The following EVA1C variants were observed in gnomAD, a reference collection of about 807,000 sequenced individuals.
EVA1C encodes protein eva-1 homolog C.
In EVA1C, 25 loss-of-function variants were observed where a neutral mutation model predicts 45.4. The observed-to-expected ratio is 0.55, with a 90% CI of 0.40 to 0.77. The LOEUF (loss-of-function observed/expected upper bound fraction) is 0.77, where lower values mean the gene tolerates loss of function less well. Among genes scored for constraint, EVA1C ranks in the 30% least tolerant of loss-of-function variants. The probability of loss-of-function intolerance (pLI) is 0.00; values close to 1 mark genes in which losing one functional copy is unlikely to be tolerated. For missense variants in EVA1C, 479 were observed against 554.8 expected, an observed-to-expected ratio of 0.86 and a Z score of 1.37; for synonymous variants, 190 against 221.2, an observed-to-expected ratio of 0.86 and a Z score of 1.25.
chr21:32,446,087 T>TA (rs369777383), intron 1 of EVA1C, among the ~76,000 whole-genome samples: 7 of 151,756 alleles, frequency 4.6e-5, no homozygotes, highest in African/African-American at 1.2e-4. Context: ...CTACTAAAAA[T>TA]AAAAAAATAG....
At position 32,511,646 on chromosome 21, in the gene EVA1C, A is replaced by G. The variant is rs113695375; in HGVS notation, c.950-3168A>G. Among the ~76,000 whole-genome samples the G allele has an allele frequency of 3.7e-3, 571 of 152,276 alleles. 7 individuals carry two copies. The highest frequency in any genetic ancestry group is 0.013 in the African/African-American group (531 of 41,550). On this transcript the variant is annotated intron_variant, in intron 7 of 7. Transcript: ENST00000300255. ...GGTACAATTCTATACCCATGTGATT[A>G]GAAAATAATGTAAAAGTCTATGTGA...
At chr21:32,442,124 G>C (rs1041708807) in intron 1 of EVA1C, among the ~76,000 whole-genome samples, 2 of 152,204 alleles carry the variant, frequency 1.3e-5, no homozygotes, top group African/African-American at 4.8e-5. Flanking sequence ...GTGTGCTCGG[G>C]AAGAAAATAT....
intron 4 of EVA1C, among the ~76,000 whole-genome samples, chr21:32,494,513 T>C (rs1337589447): frequency 6.6e-6 from 1 of 152,198 alleles, no homozygotes; most frequent in Non-Finnish European, 1.5e-5. Context: ...CCGGGTGCGG[T>C]GGCTCACACC....
rs146340457 is a variant in EVA1C at position 32,515,092 on chromosome 21, G to A, written c.1228G>A (p.Ala410Thr). The A allele has an allele frequency of 4.1e-5, 66 of 1,613,988 alleles. No homozygotes were observed. The highest frequency in any genetic ancestry group is 5.0e-5 in the Non-Finnish European group (59 of 1,179,966). Residue 410 changes from alanine to threonine, a missense_variant, in exon 8 of 8, where the codon GCA becomes ACA. Physicochemically the swap from Ala to Thr is moderately conservative, Grantham distance 58. Around this residue, in one of 3 missense-constraint regions of EVA1C, gnomAD observed 366 missense variants for 426.1 expected, o/e 0.86. Coordinates refer to ENST00000300255, the MANE Select transcript of EVA1C (RefSeq NM_058187.5). ...IYSSIEAAEL[A>T]ERIERREQII... Reference sequence around the variant, plus strand: ...CAGTTCCATAGAAGCTGCAGAGCTCGCAGAAAGGATTGAGCGCAGGGAGCA... The same window carrying A: ...CAGTTCCATAGAAGCTGCAGAGCTCACAGAAAGGATTGAGCGCAGGGAGCA...
intron 1 of EVA1C, among the ~76,000 whole-genome samples, chr21:32,451,818 G>A (rs966139920): frequency 6.6e-6 from 1 of 152,142 alleles, no homozygotes; most frequent in Non-Finnish European, 1.5e-5. Flanking sequence ...CGGTTATATG[G>A]TGTTAAGGGC....
intron 4 of EVA1C, among the ~76,000 whole-genome samples, chr21:32,470,776 TGAGA>T (rs2036343057): frequency 1.3e-5 from 2 of 151,372 alleles, no homozygotes; most frequent in Non-Finnish European, 2.9e-5. Flanking sequence ...TTTTTTTTTT[TGAGA>T]TGGAGTCTCC....
chr21:32,415,586 T>G (rs1271565687), intron 1 of EVA1C, among the ~76,000 whole-genome samples: 1 of 152,154 alleles, frequency 6.6e-6, no homozygotes, highest in African/African-American at 2.4e-5. Flanking sequence ...GTCATTGATT[T>G]TTTTTTGCCC....
chr21:32,417,299 G>T (rs1048004224), intron 1 of EVA1C, among the ~76,000 whole-genome samples: 1 of 152,250 alleles, frequency 6.6e-6, no homozygotes, highest in Non-Finnish European at 1.5e-5. Flanking sequence ...AGAAGTTCAA[G>T]ATCAAGGTCT....
Position 32,511,222 on chromosome 21 carries a change from C to T in EVA1C, c.950-3592C>T, listed in dbSNP as rs183726513. Among the ~76,000 whole-genome samples the T allele has an allele frequency of 3.1e-3, 469 of 152,134 alleles. 3 individuals are homozygous for T. The highest frequency in any genetic ancestry group is 0.011 in the African/African-American group (447 of 41,508). ...CCTGAGGTCAGGAGTTCAAGACCAGCCTGGCCAACATGGCAAACCCCGTCT... is the reference window on the plus strand; with the variant it reads ...CCTGAGGTCAGGAGTTCAAGACCAGTCTGGCCAACATGGCAAACCCCGTCT... On this transcript the variant is annotated intron_variant, in intron 7 of 7. Transcript: ENST00000300255.
chr21:32,494,981 C>T (rs1568942633), intron 4 of EVA1C, 46 bp from the exon 5 acceptor site: 1 of 1,601,706 alleles, frequency 6.2e-7, no homozygotes, highest in Non-Finnish European at 8.5e-7. Flanking sequence ...TGTGGTGGCC[C>T]TGTGTGGGAT....
intron 1 of EVA1C, among the ~76,000 whole-genome samples, chr21:32,436,253 G>A (rs374872793): frequency 4.0e-3 from 501 of 124,020 alleles, no homozygotes; most frequent in Middle Eastern, 8.9e-3. Context: ...TAATAGAGAC[G>A]GGGTTTCGCC....
At chr21:32,464,119 C>T (rs1034699686) in intron 3 of EVA1C, among the ~76,000 whole-genome samples, 1 of 152,162 alleles carries the variant, frequency 6.6e-6, no homozygotes, top group Non-Finnish European at 1.5e-5. Flanking sequence ...TTCTGACGTT[C>T]GGGTCAGACT....
intron 1 of EVA1C, among the ~76,000 whole-genome samples, chr21:32,439,023 G>T (rs2035073190): frequency 6.6e-6 from 1 of 151,566 alleles, no homozygotes; most frequent in Non-Finnish European, 1.5e-5. Context: ...ATCACTTGAA[G>T]TCGGGAGTTA....
rs893248039 is a variant in EVA1C at position 32,412,792 on chromosome 21, C to T, written c.-62C>T. Reference sequence around the variant, plus strand: ...ATTCTCCCCGCCATGTGACGCCGTCCTTAGCCCTGCGACCCCCAGCGCGTC... The same window carrying T: ...ATTCTCCCCGCCATGTGACGCCGTCTTTAGCCCTGCGACCCCCAGCGCGTC... On this transcript the variant is annotated 5_prime_UTR_variant, in exon 1 of 8. Transcript: ENST00000300255. The T allele has an allele frequency of 7.6e-7, 1 of 1,323,372 alleles. No homozygotes were observed. The highest frequency in any genetic ancestry group is 9.6e-7 in the Non-Finnish European group (1 of 1,039,218). 82.0% of individuals were successfully genotyped at this position (1,323,372 alleles called of 1,614,324 possible). A position where few individuals can be genotyped will look rare whatever the true frequency, so the allele number is the denominator to read the frequency against.
rs1379932392 is a variant in EVA1C, at chr21:32,453,376, A to G, written c.225A>G (p.Leu75=). Residue 75 remains leucine (L), a synonymous_variant, in exon 2 of 8, where the codon CTA becomes CTG. Coordinates refer to ENST00000300255, the MANE Select transcript of EVA1C (RefSeq NM_058187.5). ...TYACDGDYLN[L]QCPRHSTISV... ...CCTGTGATGGGGACTATTTGAATCTACAGTGCCCTCGGCATTCTACGATAA... is the reference window on the plus strand; with the variant it reads ...CCTGTGATGGGGACTATTTGAATCTGCAGTGCCCTCGGCATTCTACGATAA... 2.5e-6 allele frequency: 4 copies of G among 1,611,452 alleles called. No individual in the cohort carries two copies. The South Asian group carries it at 3.3e-5, about 13-fold the overall frequency.
rs551803259 is a variant in EVA1C, at chr21:32,511,210, G to T, written c.950-3604G>T. On this transcript the variant is annotated intron_variant, in intron 7 of 7. Coordinates refer to ENST00000300255, the MANE Select transcript of EVA1C (RefSeq NM_058187.5). ...GCGGGCAGATCACCTGAGGTCAGGA[G>T]TTCAAGACCAGCCTGGCCAACATGG... Among the ~76,000 whole-genome samples the T allele has an allele frequency of 6.8e-4, 104 of 152,234 alleles. 2 individuals carry two copies. The highest frequency in any genetic ancestry group is 2.3e-3 in the African/African-American group (97 of 41,550).
At chr21:32,437,380 C>T (rs765560092) in intron 1 of EVA1C, among the ~76,000 whole-genome samples, 60 of 152,188 alleles carry the variant, frequency 3.9e-4, no homozygotes, top group Non-Finnish European at 5.6e-4. Flanking sequence ...ATTTCTCCCC[C>T]GGAGGACTGC....
rs143874157 is a variant in EVA1C, at chr21:32,503,333, G to A, written c.860-593G>A. 9.9e-3 allele frequency among the ~76,000 whole-genome samples: 1,507 copies of A among 152,296 alleles called. 29 individuals carry two copies. Among genetic ancestry groups the A allele is most frequent in the African/African-American group, 0.035 (1,441 of 41,552 alleles). On this transcript the variant is annotated intron_variant, in intron 6 of 7. Transcript: ENST00000300255. ...GGCCGAGGCGGGCAGATCACCTGAG[G>A]TAAGGAGTTCGAGACCAACCTGGCC...
At chr21:32,479,800 A>T (rs1422479781) in intron 4 of EVA1C, among the ~76,000 whole-genome samples, 2 of 151,900 alleles carry the variant, frequency 1.3e-5, no homozygotes, top group South Asian at 2.1e-4. Flanking sequence ...AAAAAAATTT[A>T]AAAATTTAGC....
Sources: allele counts gnomAD v4.1 joint callset (sites outside exome capture counted in the v4.1 genomes callset), GRCh38; gene constraint gnomAD v4.1.1; regional missense constraint gnomAD v4.1.1; transcripts MANE v1.5; gene names NCBI Gene and HGNC (gene_info 2026-07-23, HGNC 2026-07-21).